Variants in CLEC2D observed in about 807,000 individuals in gnomAD.
CLEC2D encodes the protein C-type lectin domain family 2 member D, also known as C-type lectin related f.
CLEC2D carries 16 observed loss-of-function variants against 20.0 expected under a neutral mutation model. The observed-to-expected ratio is 0.80, with a 90% CI of 0.54 to 1.22. CLEC2D has a LOEUF of 1.22. Among genes scored for constraint, CLEC2D ranks in the 50% most tolerant of loss-of-function variants. The probability of loss-of-function intolerance (pLI) is 0.00; values close to 1 mark genes in which losing one functional copy is unlikely to be tolerated. For synonymous variants in CLEC2D, 77 were observed against 71.1 expected, an observed-to-expected ratio of 1.08 and a Z score of -0.42; for missense variants, 207 against 221.5, an observed-to-expected ratio of 0.93 and a Z score of 0.42.
chr12:9,685,360 G>A (rs1302584521), intron 2 of CLEC2D, among the ~76,000 whole-genome samples: 3 of 152,196 alleles, frequency 2.0e-5, no homozygotes, highest in African/African-American at 7.2e-5. Flanking sequence ...AGAAGAGCTC[G>A]AGCACTGTGC....
chr12:9,689,004 T>G (rs1432619490), intron 3 of CLEC2D, among the ~76,000 whole-genome samples: 1 of 152,228 alleles, frequency 6.6e-6, no homozygotes, highest in Non-Finnish European at 1.5e-5. Context: ...CCATGGGAAC[T>G]GCTGCCCATG....
rs1388757700 is a variant in CLEC2D at position 9,694,829 on chromosome 12, C to T, written c.531C>T (p.Tyr177=). 10 of 1,611,792 alleles carry T rather than the reference C, an allele frequency of 6.2e-6. No homozygotes were observed. The highest frequency in any genetic ancestry group is 8.5e-6 in the Non-Finnish European group (10 of 1,178,164). The change falls in exon 5 of 5, where the codon TAC becomes TAT. Residue 177 remains tyrosine, a synonymous_variant. Coordinates refer to ENST00000290855, the MANE Select transcript of CLEC2D (RefSeq NM_013269.6). Reference sequence around the variant, plus strand: ...AAGGTGCCAGTAGTGCCAGGCACTACACAGAGAGGAAGTGGATTTGTTCCA... The same window carrying T: ...AAGGTGCCAGTAGTGCCAGGCACTATACAGAGAGGAAGTGGATTTGTTCCA... ...NDKGASSARH[Y]TERKWICSKS... is the part of the protein sequence containing the mutation.
intron 1 of CLEC2D, among the ~76,000 whole-genome samples, chr12:9,677,756 G>C (rs962137298): frequency 7.4e-6 from 1 of 134,696 alleles, no homozygotes; most frequent in Admixed American, 8.5e-5. Context: ...ACAGAGTCTC[G>C]CTCTGTCACC....
Position 9,696,463 on chromosome 12 carries a change from G to A in CLEC2D, c.*1589G>A. ...AAGTATGTATGGGATGCTATGATAG[G>A]ACATAGTAGTAGCAGTGGTCAGACA... On this transcript the variant is annotated 3_prime_UTR_variant, in exon 5 of 5. Transcript: ENST00000290855. 2.5e-6 allele frequency: 1 copy of A among 397,682 alleles called. No homozygotes were observed. The highest frequency in any genetic ancestry group is 2.7e-5 in the South Asian group (1 of 37,534). The allele number at this position is 397,682 out of a possible 1,614,324, so 24.6% of individuals were successfully genotyped here. A position where few individuals can be genotyped will look rare whatever the true frequency, so the allele number is the denominator to read the frequency against.
rs190551856 is a variant in CLEC2D at position 9,697,158 on chromosome 12, A to T, written c.*2284A>T. 3 of 152,248 alleles carry T rather than the reference A, an allele frequency of 2.0e-5. No homozygotes were observed. Among genetic ancestry groups the T allele is most frequent in the African/African-American group, 7.2e-5 (3 of 41,544 alleles). The allele number at this position is 152,248 out of a possible 1,614,324, so 9.4% of individuals were successfully genotyped here. On this transcript the variant is annotated 3_prime_UTR_variant, in exon 5 of 5. Transcript: ENST00000290855. ...TCACCCCAAAACTGGCCATAAACAA[A>T]ATCTCTGCAGCACTGTGACATGTTA...
rs933040684 is a variant in CLEC2D, at chr12:9,696,175, T to G, written c.*1301T>G. On this transcript the variant is annotated 3_prime_UTR_variant, in exon 5 of 5. Coordinates refer to ENST00000290855, the MANE Select transcript of CLEC2D (RefSeq NM_013269.6). ...CATCAATTATGTGAAGAATTTCTTCTGGATGACTGACCAAGAGGCTATTCA... is the reference window on the plus strand; with the variant it reads ...CATCAATTATGTGAAGAATTTCTTCGGGATGACTGACCAAGAGGCTATTCA... The G allele has an allele frequency of 3.3e-5, 29 of 868,392 alleles. No individual in the cohort carries two copies. Among genetic ancestry groups the G allele is most frequent in the Non-Finnish European group, 5.2e-5 (27 of 515,928 alleles). The allele number at this position is 868,392 out of a possible 1,614,324, so 53.8% of individuals were successfully genotyped here. A position where few individuals can be genotyped will look rare whatever the true frequency, so the allele number is the denominator to read the frequency against.
At position 9,694,817 on chromosome 12, in the gene CLEC2D, T is replaced by G; in HGVS notation, c.519T>G (p.Ser173Arg). ...CAYLNDKGAS[S>R]ARHYTERKWI... ...ATTTGAATGACAAAGGTGCCAGTAGTGCCAGGCACTACACAGAGAGGAAGT... is the reference window on the plus strand; with the variant it reads ...ATTTGAATGACAAAGGTGCCAGTAGGGCCAGGCACTACACAGAGAGGAAGT... Residue 173 changes from serine (S) to arginine (R), a missense_variant, in exon 5 of 5, where the codon AGT becomes AGG. Transcript: ENST00000290855. The G allele has an allele frequency of 6.2e-7, 1 of 1,613,054 alleles. No individual in the cohort carries two copies. Among genetic ancestry groups the G allele is most frequent in the South Asian group, 1.1e-5 (1 of 91,054 alleles).
intron 2 of CLEC2D, among the ~76,000 whole-genome samples, chr12:9,682,958 CA>C (rs1352546139): frequency 1.3e-5 from 2 of 152,204 alleles, no homozygotes; most frequent in African/African-American, 4.8e-5. Flanking sequence ...TTTACACTCC[CA>C]CCAACAGTGT....
Position 9,677,440 on chromosome 12 carries a change from T to G in CLEC2D, c.62-3483T>G, listed in dbSNP as rs756162488. Among the ~76,000 whole-genome samples, 217 of 152,256 alleles carry G rather than the reference T, an allele frequency of 1.4e-3. 1 individual carries two copies. Among genetic ancestry groups the G allele is most frequent in the African/African-American group, 5.1e-3 (212 of 41,570 alleles). On this transcript the variant is annotated intron_variant, in intron 1 of 4. Coordinates refer to ENST00000290855, the MANE Select transcript of CLEC2D (RefSeq NM_013269.6). ...ATTAGTGGGATTTTAAAATTTTCTTTCTGTTATTGACTCTAGTTTATTTAC... is the reference window on the plus strand; with the variant it reads ...ATTAGTGGGATTTTAAAATTTTCTTGCTGTTATTGACTCTAGTTTATTTAC...
rs1303842410 is a variant in CLEC2D, at chr12:9,692,827, G to T, written c.358-1G>T. 3 of 1,601,568 alleles carry T rather than the reference G, an allele frequency of 1.9e-6. No individual in the cohort carries two copies. The highest frequency in any genetic ancestry group is 1.7e-6 in the Non-Finnish European group (2 of 1,173,110). On this transcript the variant is annotated splice_acceptor_variant, in intron 3 of 4. Transcript: ENST00000290855. LOFTEE classifies it high-confidence loss of function. ...AATATCATCTCTGTGTTTTCTGAAA[G>T]AATTTCCTGTTGAGATATAAAGGCC... is the stretch of plus-strand genomic sequence containing the variant.
rs751950665 is a variant in CLEC2D, at chr12:9,692,292, C to T, written c.358-536C>T. ...CTGGGATTACAGGTGCATGCCATCA[C>T]GCCCAGCTAATTTTTGTATTTTTTT... On this transcript the variant is annotated intron_variant, in intron 3 of 4. Transcript: ENST00000290855. Among the ~76,000 whole-genome samples the T allele has an allele frequency of 4.6e-5, 7 of 152,082 alleles. No homozygotes were observed. In the South Asian group the frequency reaches 1.0e-3, roughly 23 times the overall value.
At chr12:9,693,482 A>G (rs973826731) in intron 4 of CLEC2D, 40 of 181,590 alleles carry the variant, frequency 2.2e-4, no homozygotes, top group African/African-American at 9.0e-4. Context: ...ATTTCACTCA[A>G]TGTTTGTCTG....
intron 3 of CLEC2D, among the ~76,000 whole-genome samples, chr12:9,688,989 G>T (rs1865811257): frequency 6.6e-6 from 1 of 152,168 alleles, no homozygotes; most frequent in African/African-American, 2.4e-5. Flanking sequence ...CATTATTGCA[G>T]GGATCCATGG....
intron 2 of CLEC2D, among the ~76,000 whole-genome samples, chr12:9,683,134 A>G (rs1301692754): frequency 6.6e-6 from 1 of 152,176 alleles, no homozygotes; most frequent in Non-Finnish European, 1.5e-5. Flanking sequence ...TGTTGGCCAC[A>G]TAAATGTCTT....
At chr12:9,676,440 GA>G (rs944984521) in intron 1 of CLEC2D, among the ~76,000 whole-genome samples, 44 of 152,130 alleles carry the variant, frequency 2.9e-4, no homozygotes, top group African/African-American at 1.0e-3. Flanking sequence ...ATAATCAAGT[GA>G]TTTTTTTTAG....
intron 2 of CLEC2D, 54 bp from the exon 3 acceptor site, chr12:9,687,848 A>C: frequency 9.0e-7 from 1 of 1,105,100 alleles, no homozygotes; most frequent in Non-Finnish European, 1.2e-6. Context: ...AATTTATACA[A>C]TACAATATAA....
intron 2 of CLEC2D, among the ~76,000 whole-genome samples, chr12:9,684,209 T>G (rs1382796816): frequency 1.3e-5 from 2 of 152,220 alleles, no homozygotes; most frequent in African/African-American, 4.8e-5. Context: ...TGCTTGTGAT[T>G]TTTGCACATT....
At chr12:9,676,558 C>A (rs1374014516) in intron 1 of CLEC2D, among the ~76,000 whole-genome samples, 2 of 151,976 alleles carry the variant, frequency 1.3e-5, no homozygotes, top group Non-Finnish European at 2.9e-5. Flanking sequence ...TTTTATACAT[C>A]ATTGGATTGG....
chr12:9,681,841 G>A (rs1481596943), intron 2 of CLEC2D, among the ~76,000 whole-genome samples: 3 of 151,896 alleles, frequency 2.0e-5, no homozygotes, highest in Non-Finnish European at 4.4e-5. Flanking sequence ...TTATCTTTTG[G>A]CATTTTGAAA....
Sources: allele counts gnomAD v4.1 joint callset (sites outside exome capture counted in the v4.1 genomes callset), GRCh38; gene constraint gnomAD v4.1.1; transcripts MANE v1.5; gene names NCBI Gene and HGNC (gene_info 2026-07-23, HGNC 2026-07-21).